Variants in LIPI observed in about 807,000 individuals in gnomAD.
LIPI encodes lipase I.
Under a neutral mutation model 50.6 loss-of-function variants are expected in LIPI, and 59 were observed. The observed-to-expected ratio is 1.16, with a 90% CI of 0.94 to 1.45. LIPI has a LOEUF of 1.45. LIPI is among the 40% of genes most tolerant of loss of function. The pLI, the probability that LIPI is intolerant of heterozygous loss-of-function variation, is 0.00. For synonymous variants in LIPI, 203 were observed against 178.2 expected (o/e 1.14, Z -1.11); for missense variants, 586 against 536.3 (o/e 1.09, Z -0.92).
At chr21:14,191,992 T>C (rs550359687) in intron 1 of LIPI, among the ~76,000 whole-genome samples, 1 of 152,330 alleles carries the variant, frequency 6.6e-6, no homozygotes, top group Admixed American at 6.5e-5. Context: ...AGAAAAACAG[T>C]GTTACCTAAC....
intron 9 of LIPI, among the ~76,000 whole-genome samples, chr21:14,134,908 G>A (rs998009696): frequency 1.3e-5 from 2 of 151,878 alleles, no homozygotes; most frequent in Non-Finnish European, 2.9e-5. Context: ...ATCCTCAAAA[G>A]CAAATGCAAA....
chr21:14,132,884 A>G (rs1184935559), intron 9 of LIPI, among the ~76,000 whole-genome samples: 1 of 152,200 alleles, frequency 6.6e-6, no homozygotes, highest in African/African-American at 2.4e-5. Context: ...TGTGCTCACA[A>G]ACTAGGAAAC....
At position 14,174,474 on chromosome 21, in the gene LIPI, G is replaced by A. The variant is rs144657432; in HGVS notation, c.643+7284C>T. Among the ~76,000 whole-genome samples, 1,167 of 152,114 alleles carry A rather than the reference G, an allele frequency of 7.7e-3. 12 individuals are homozygous for A. The highest frequency in any genetic ancestry group is 0.018 in the African/African-American group (744 of 41,478). ...GGAGCTCCCAGTGTGCCCTTACCCA[G>A]CCACAAGTGTCTCTCTGTCCCCTAA... On this transcript the variant is annotated intron_variant, in intron 4 of 9. Transcript: ENST00000681601.
intron 8 of LIPI, among the ~76,000 whole-genome samples, chr21:14,149,034 T>C (rs1313046918): frequency 3.3e-5 from 5 of 152,200 alleles, no homozygotes; most frequent in Non-Finnish European, 5.9e-5. Context: ...CCTGTGTTCA[T>C]GTGCAATTTT....
chr21:14,205,470 T>C (rs2020198912), intron 1 of LIPI, among the ~76,000 whole-genome samples: 2 of 151,962 alleles, frequency 1.3e-5, no homozygotes. Context: ...TAGCCCATAT[T>C]TATATAGTAC....
chr21:14,138,050 A>G (rs1379438399), intron 9 of LIPI, among the ~76,000 whole-genome samples: 1 of 152,158 alleles, frequency 6.6e-6, no homozygotes, highest in Non-Finnish European at 1.5e-5. Flanking sequence ...AGACTTTCCC[A>G]GAAAAACAAA....
At chr21:14,205,607 A>T (rs1324137376) in intron 1 of LIPI, among the ~76,000 whole-genome samples, 1 of 151,804 alleles carries the variant, frequency 6.6e-6, no homozygotes, top group Non-Finnish European at 1.5e-5. Context: ...TGTAGTTTGC[A>T]GTGATGCTGA....
intron 9 of LIPI, among the ~76,000 whole-genome samples, chr21:14,110,804 G>A (rs1037241100): frequency 3.3e-5 from 5 of 151,308 alleles, no homozygotes; most frequent in Non-Finnish European, 7.4e-5. Flanking sequence ...TGCCAATGAT[G>A]GGATTTCCTT....
At chr21:14,130,656 C>T (rs188858113) in intron 9 of LIPI, among the ~76,000 whole-genome samples, 8 of 152,300 alleles carry the variant, frequency 5.3e-5, no homozygotes, top group Non-Finnish European at 8.8e-5. Flanking sequence ...CTGTGCCTGA[C>T]CCTTGGGCCA....
intron 1 of LIPI, among the ~76,000 whole-genome samples, chr21:14,193,769 A>C (rs1448246642): frequency 1.3e-5 from 2 of 152,138 alleles, no homozygotes; most frequent in African/African-American, 4.8e-5. Context: ...CAACAGAAAA[A>C]AAAAATGAGT....
intron 1 of LIPI, among the ~76,000 whole-genome samples, chr21:14,203,339 T>A (rs1447837607): frequency 6.6e-6 from 1 of 152,256 alleles, no homozygotes; most frequent in East Asian, 1.9e-4. Flanking sequence ...ACTGGGTATA[T>A]ACCCAAAGGA....
At chr21:14,110,687 G>A (rs1021156276) in intron 9 of LIPI, among the ~76,000 whole-genome samples, 10 of 151,580 alleles carry the variant, frequency 6.6e-5, no homozygotes, top group African/African-American at 2.2e-4. Flanking sequence ...GCTTCTATGA[G>A]ATCAACTTTT....
Position 14,158,311 on chromosome 21 carries a change from A to G in LIPI, c.1006+5108T>C, listed in dbSNP as rs549646949. On this transcript the variant is annotated intron_variant, in intron 7 of 9. Transcript: ENST00000681601. ...AGTAACAGACAACAGGAAAATTTCT[A>G]AACTGTGGAAATTCAACAGCGTGCT... 6.6e-5 allele frequency among the ~76,000 whole-genome samples: 10 copies of G among 151,748 alleles called. No homozygotes were observed. The South Asian group carries it at 2.1e-3, about 31-fold the overall frequency.
chr21:14,110,880 A>C (rs185500903), intron 9 of LIPI, among the ~76,000 whole-genome samples: 40 of 149,484 alleles, frequency 2.7e-4, no homozygotes, highest in East Asian at 1.2e-3. Flanking sequence ...ATCTCTCTCT[A>C]TATATAGGTG....
rs182168189 is a variant in LIPI at position 14,151,879 on chromosome 21, G to A, written c.1118+694C>T. On this transcript the variant is annotated intron_variant, in intron 8 of 9. Coordinates refer to ENST00000681601, the MANE Select transcript of LIPI (RefSeq NM_001302998.2). ...AACAAAACCCTCCCCTATTGTTTGGGAGCCTTGTAGGTGGGAATAGTTCTC... is the reference window on the plus strand; with the variant it reads ...AACAAAACCCTCCCCTATTGTTTGGAAGCCTTGTAGGTGGGAATAGTTCTC... 1.9e-4 allele frequency among the ~76,000 whole-genome samples: 29 copies of A among 151,970 alleles called. No homozygotes were observed. In the South Asian group the frequency reaches 2.1e-3, roughly 11 times the overall value.
intron 7 of LIPI, among the ~76,000 whole-genome samples, chr21:14,155,483 A>G (rs2018242368): frequency 6.6e-6 from 1 of 151,968 alleles, no homozygotes; most frequent in Non-Finnish European, 1.5e-5. Context: ...GTGAACCTGA[A>G]ATATAATAAA....
rs867730850 is a variant in LIPI at position 14,161,691 on chromosome 21, G to A, written c.1006+1728C>T. 7.3e-4 allele frequency among the ~76,000 whole-genome samples: 49 copies of A among 67,250 alleles called. 1 individual carries two copies. The highest frequency in any genetic ancestry group is 2.5e-3 in the African/African-American group (41 of 16,440). The allele number at this position is 67,250 out of a possible 152,430, so 44.1% of individuals were successfully genotyped here. The stretch of plus-strand genomic sequence containing the variant: ...AATATATACATTATTATATATTAAT[G>A]TATAATATATACATTATTATATATT... On this transcript the variant is annotated intron_variant, in intron 7 of 9. Transcript: ENST00000681601.
intron 7 of LIPI, among the ~76,000 whole-genome samples, chr21:14,160,676 T>G (rs1180772576): frequency 6.6e-6 from 1 of 151,440 alleles, no homozygotes; most frequent in Non-Finnish European, 1.5e-5. Flanking sequence ...ACTTTTTCTC[T>G]GCCCATGCTT....
At chr21:14,152,492 AT>A in intron 8 of LIPI, 80 bp downstream of exon 8, 5 of 707,090 alleles carry the variant, frequency 7.1e-6, no homozygotes, top group Non-Finnish European at 1.2e-5. Flanking sequence ...AAACTACACT[AT>A]TTAAATTATC....
Sources: allele counts gnomAD v4.1 joint callset (sites outside exome capture counted in the v4.1 genomes callset), GRCh38; gene constraint gnomAD v4.1.1; transcripts MANE v1.5; gene names NCBI Gene and HGNC (gene_info 2026-07-23, HGNC 2026-07-21).